Variants in CUX1 observed in about 807,000 individuals in gnomAD.
CUX1 encodes the protein protein CASP.
A neutral mutation model predicts 158.8 loss-of-function variants in CUX1; 31 were observed. That is an observed-to-expected ratio of 0.20 (90% confidence interval 0.15 to 0.26). The LOEUF (loss-of-function observed/expected upper bound fraction) is 0.26. CUX1 is among the 10% of genes least tolerant of loss of function. The pLI, the probability that CUX1 is intolerant of heterozygous loss-of-function variation, is 1.00. For missense variants in CUX1, 1,589 were observed against 2,014.6 expected (o/e 0.79, Z 4.04); for synonymous variants, 879 against 862.1 (o/e 1.02, Z -0.34).
intron 1 of CUX1, among the ~76,000 whole-genome samples, chr7:101,841,024 G>C (rs1483788216): frequency 6.6e-6 from 1 of 151,964 alleles, no homozygotes. Flanking sequence ...CTCTCGAGTA[G>C]CTGGGACTAC....
At chr7:102,068,326 A>G (rs1351978120) in intron 3 of CUX1, among the ~76,000 whole-genome samples, 4 of 152,036 alleles carry the variant, frequency 2.6e-5, no homozygotes. Context: ...TATTTTGCCC[A>G]GGCTGGTCTT....
rs1353299902 is a variant in CUX1 at position 102,212,559 on chromosome 7, A to G, written c.3130+7389A>G. On this transcript the variant is annotated intron_variant, in intron 20 of 23. Coordinates refer to ENST00000292535, the MANE Select transcript of CUX1 (RefSeq NM_181552.4). ...ATTTGCAGGATTTTTTCCAAGAAGT[A>G]AAATGCACCATAGTTACAAAATGCA... 3.9e-5 allele frequency among the ~76,000 whole-genome samples: 6 copies of G among 152,282 alleles called. No homozygotes were observed. In the East Asian group the frequency reaches 9.7e-4, roughly 24 times the overall value.
intron 16 of CUX1, 71 bp from the exon 17 acceptor site, chr7:102,200,000 A>G: frequency 7.6e-7 from 1 of 1,314,642 alleles, no homozygotes; most frequent in Non-Finnish European, 1.1e-6. Context: ...TATCAGAATG[A>G]CGTCTTCGCG....
chr7:101,990,026 T>G (rs965236026), intron 2 of CUX1, among the ~76,000 whole-genome samples: 1 of 152,116 alleles, frequency 6.6e-6, no homozygotes, highest in African/African-American at 2.4e-5. Context: ...GAGAAATATT[T>G]GAGTGAAAGG....
chr7:102,086,564 AT>A (rs1827974105), intron 4 of CUX1, among the ~76,000 whole-genome samples: 1 of 151,178 alleles, frequency 6.6e-6, no homozygotes, highest in Non-Finnish European at 1.5e-5. Context: ...TTATATCCAT[AT>A]TGACTATATA....
intron 1 of CUX1, among the ~76,000 whole-genome samples, chr7:101,889,039 G>A (rs868040240): frequency 3.4e-4 from 52 of 151,862 alleles, no homozygotes; most frequent in African/African-American, 1.2e-3. Context: ...GCTGAGGCAG[G>A]AGGATTGCTT....
chr7:102,034,815 A>G (rs952845867), intron 3 of CUX1, among the ~76,000 whole-genome samples: 3 of 151,458 alleles, frequency 2.0e-5, no homozygotes, highest in Non-Finnish European at 4.4e-5. Flanking sequence ...AGGCCTGTAC[A>G]CCTAGCTATG....
intron 2 of CUX1, among the ~76,000 whole-genome samples, chr7:102,015,923 T>C (rs1331931862): frequency 6.6e-6 from 1 of 152,130 alleles, no homozygotes; most frequent in African/African-American, 2.4e-5. Context: ...CAAGCAGTCC[T>C]CCCACCTCAC....
At chr7:101,976,928 T>TTG (rs1812771324) in intron 2 of CUX1, among the ~76,000 whole-genome samples, 1 of 143,586 alleles carries the variant, frequency 7.0e-6, no homozygotes, top group Non-Finnish European at 1.5e-5. Flanking sequence ...TTTTTTTTTT[T>TTG]GGAGATGTAG....
intron 2 of CUX1, among the ~76,000 whole-genome samples, chr7:102,009,927 A>C (rs1817801488): frequency 6.6e-6 from 1 of 152,240 alleles, no homozygotes; most frequent in South Asian, 2.1e-4. Context: ...CACTTAGCTT[A>C]ATCCCTGGTT....
At chr7:102,243,774 T>A (rs1246400791) in intron 23 of CUX1, among the ~76,000 whole-genome samples, 3 of 151,832 alleles carry the variant, frequency 2.0e-5, no homozygotes, top group African/African-American at 7.3e-5. Flanking sequence ...ACGCCTATAA[T>A]CCCAGCACTT....
rs181948323 is a variant in CUX1, at chr7:102,250,354, G to T, written c.*1312G>T. On this transcript the variant is annotated 3_prime_UTR_variant, in exon 24 of 24. Coordinates refer to ENST00000292535, the MANE Select transcript of CUX1 (RefSeq NM_181552.4). ...ATAGCAGTCTACGGATCTCTCTCTG[G>T]CACAGAAGGCACCTCACCTCACACC... The T allele has an allele frequency of 7.0e-4, 692 of 985,496 alleles. No homozygotes were observed. Among genetic ancestry groups the T allele is most frequent in the Admixed American group, 1.0e-3 (17 of 16,274 alleles). The allele number at this position is 985,496 out of a possible 1,614,324, so 61.0% of individuals were successfully genotyped here. A position where few individuals can be genotyped will look rare whatever the true frequency, so the allele number is the denominator to read the frequency against.
chr7:102,139,074 A>T (rs781902926), intron 8 of CUX1, among the ~76,000 whole-genome samples: 7 of 151,854 alleles, frequency 4.6e-5, no homozygotes, highest in Non-Finnish European at 8.8e-5. Flanking sequence ...GAGAAACCCC[A>T]TCTGTACTAA....
At chr7:102,122,343 C>A (rs1360806864) in intron 8 of CUX1, among the ~76,000 whole-genome samples, 2 of 151,710 alleles carry the variant, frequency 1.3e-5, no homozygotes, top group Admixed American at 1.3e-4. Flanking sequence ...GTCCTTTAAA[C>A]CTTAGAGAGC....
intron 3 of CUX1, among the ~76,000 whole-genome samples, chr7:102,036,793 A>G (rs1206274465): frequency 1.3e-5 from 2 of 151,952 alleles, no homozygotes; most frequent in Non-Finnish European, 2.9e-5. Flanking sequence ...AATCTGGCCT[A>G]TGCATATATA....
At chr7:101,943,160 G>T (rs1299317658) in intron 2 of CUX1, among the ~76,000 whole-genome samples, 1 of 147,758 alleles carries the variant, frequency 6.8e-6, no homozygotes, top group African/African-American at 2.5e-5. Flanking sequence ...AGGCTGGAGT[G>T]CTGTGGTGCA....
chr7:102,061,572 A>G (rs1319372439), intron 3 of CUX1, among the ~76,000 whole-genome samples: 1 of 152,178 alleles, frequency 6.6e-6, no homozygotes, highest in Non-Finnish European at 1.5e-5. Flanking sequence ...GGTTAATTCA[A>G]TGGTTCAGGC....
chr7:101,901,174 A>G (rs184574650), intron 1 of CUX1, among the ~76,000 whole-genome samples: 29 of 152,222 alleles, frequency 1.9e-4, no homozygotes, highest in African/African-American at 6.7e-4. Flanking sequence ...ACTGCTTCCT[A>G]GGGCCCAGTA....
Position 102,250,456 on chromosome 7 carries a change from ACTCT to A in CUX1, c.*1421_*1424del, listed in dbSNP as rs1162020004. The A allele has an allele frequency of 1.9e-5, 19 of 984,766 alleles. No individual in the cohort carries two copies. Among genetic ancestry groups the A allele is most frequent in the Non-Finnish European group, 2.3e-5 (19 of 829,850 alleles). The allele number at this position is 984,766 out of a possible 1,614,324, so 61.0% of individuals were successfully genotyped here. On this transcript the variant is annotated 3_prime_UTR_variant, in exon 24 of 24. Coordinates refer to ENST00000292535, the MANE Select transcript of CUX1 (RefSeq NM_181552.4). ...AGGCCTGGGCAGGGCTTACACGCGC[ACTCT>A]CTCTCTTCTTTCCCTTTTTCTTCCC... is the stretch of plus-strand genomic sequence containing the variant.
Sources: gnomAD v4.1 joint callset for allele counts (sites outside exome capture counted in the v4.1 genomes callset) on GRCh38, gnomAD v4.1.1 for gene constraint, MANE v1.5 for transcripts, NCBI Gene and HGNC (gene_info 2026-07-23, HGNC 2026-07-21) for gene names.